IL33: variants seen among roughly 807,000 people sequenced by gnomAD.
The protein encoded by IL33 is interleukin 33, also known as interleukin-33.
In IL33, 37 loss-of-function variants were observed where a neutral mutation model predicts 27.3. That is an observed-to-expected ratio of 1.36 (90% CI 1.04 to 1.78). The LOEUF is 1.78. Ranked by LOEUF, IL33 falls within the 40% of genes most tolerant of loss-of-function variation. The pLI, the probability that IL33 is intolerant of heterozygous loss-of-function variation, is 0.00. For synonymous variants in IL33, 132 were observed against 102.9 expected (o/e 1.28, Z -1.71); for missense variants, 406 against 311.4 (o/e 1.30, Z -2.29).
intron 1 of IL33, among the ~76,000 whole-genome samples, chr9:6,217,161 G>A (rs1438006633): frequency 1.3e-5 from 2 of 152,066 alleles, no homozygotes; most frequent in East Asian, 1.9e-4. Flanking sequence ...AGTAGTCACT[G>A]GTCATCAGAA....
chr9:6,219,393 G>A (rs1055000208), intron 1 of IL33, among the ~76,000 whole-genome samples: 4 of 151,958 alleles, frequency 2.6e-5, no homozygotes, highest in Admixed American at 6.6e-5. Context: ...GAGGAATTGG[G>A]GGCGCTTCCT....
intron 1 of IL33, among the ~76,000 whole-genome samples, chr9:6,216,850 T>C (rs921979307): frequency 5.3e-5 from 8 of 152,244 alleles, no homozygotes; most frequent in African/African-American, 1.9e-4. Context: ...TTCTTTTTTC[T>C]TAATGGGACC....
chr9:6,228,059 CT>C (rs1222800268), intron 1 of IL33, among the ~76,000 whole-genome samples: 5 of 152,314 alleles, frequency 3.3e-5, no homozygotes, highest in South Asian at 2.1e-4. Context: ...TAATGCTACC[CT>C]AACAAGATTG....
intron 1 of IL33, among the ~76,000 whole-genome samples, chr9:6,221,247 T>C (rs1345185702): frequency 6.6e-6 from 1 of 152,158 alleles, no homozygotes; most frequent in East Asian, 1.9e-4. Flanking sequence ...ACTGACTTAT[T>C]CAAGAGCCAT....
At chr9:6,241,566 G>T in intron 1 of IL33, 118 bp from the exon 2 acceptor site, 1 of 585,436 alleles carries the variant, frequency 1.7e-6, no homozygotes, top group Non-Finnish European at 3.1e-6. Context: ...AAACTTTACT[G>T]AAATAATTAT....
Position 6,254,555 on chromosome 9 carries a change from T to TAAAA in IL33, c.612+11_612+14dup. 7.8e-7 allele frequency: 1 copy of TAAAA among 1,277,660 alleles called. No homozygotes were observed. The allele number at this position is 1,277,660 out of a possible 1,614,324, so 79.1% of individuals were successfully genotyped here. ...AACAACAAGGAACACTCTGTGGAGG[T>TAAAA]AAAAAAAAAAAATTTATCTATATCT... On this transcript the variant is annotated splice_region_variant and intron_variant, in intron 7 of 7. Transcript: ENST00000682010.
intron 1 of IL33, among the ~76,000 whole-genome samples, chr9:6,219,504 G>C (rs1253282109): frequency 6.6e-6 from 1 of 152,142 alleles, no homozygotes; most frequent in Non-Finnish European, 1.5e-5. Context: ...TTTAAGTGAA[G>C]AGTGCAGTAT....
intron 2 of IL33, among the ~76,000 whole-genome samples, chr9:6,246,516 T>C (rs1819866791): frequency 6.6e-6 from 1 of 151,678 alleles, no homozygotes; most frequent in Non-Finnish European, 1.5e-5. Flanking sequence ...GAGCCAAGAT[T>C]GCACCACTGC....
intron 1 of IL33, among the ~76,000 whole-genome samples, chr9:6,231,559 C>A (rs1050937275): frequency 1.3e-5 from 2 of 152,150 alleles, no homozygotes; most frequent in South Asian, 2.1e-4. Flanking sequence ...CAGTCCAATT[C>A]TTTTTTATCA....
chr9:6,217,947 T>C (rs1818219342), intron 1 of IL33, among the ~76,000 whole-genome samples: 1 of 146,966 alleles, frequency 6.8e-6, no homozygotes, highest in Admixed American at 6.8e-5. Context: ...TGGGGTCCTA[T>C]ACTGTTTCCA....
chr9:6,233,853 T>C (rs762419135), intron 1 of IL33, among the ~76,000 whole-genome samples: 39 of 152,212 alleles, frequency 2.6e-4, no homozygotes, highest in Non-Finnish European at 4.9e-4. Context: ...CTTTCATTAC[T>C]GTATTATACT....
intron 1 of IL33, among the ~76,000 whole-genome samples, chr9:6,238,827 A>C (rs1819374281): frequency 6.6e-6 from 1 of 152,116 alleles, no homozygotes. Context: ...CCCTCCACAA[A>C]CCACAGCACA....
At chr9:6,246,122 G>C (rs1327492311) in intron 2 of IL33, among the ~76,000 whole-genome samples, 1 of 137,958 alleles carries the variant, frequency 7.2e-6, no homozygotes, top group Non-Finnish European at 1.5e-5. Flanking sequence ...ATGATAGATA[G>C]TTGTACTATT....
intron 1 of IL33, among the ~76,000 whole-genome samples, chr9:6,226,016 TCTC>T (rs1436581477): frequency 6.6e-6 from 1 of 152,076 alleles, no homozygotes; most frequent in East Asian, 1.9e-4. Flanking sequence ...CTTCTCTCTC[TCTC>T]TTTTTAGAGA....
chr9:6,243,217 C>A (rs1041758221), intron 2 of IL33, among the ~76,000 whole-genome samples: 9 of 152,170 alleles, frequency 5.9e-5, no homozygotes, highest in African/African-American at 9.7e-5. Flanking sequence ...TCAAGTCTAT[C>A]TAGCTGCAAA....
Position 6,256,051 on chromosome 9 carries a change from C to T in IL33, c.696C>T (p.Cys232=), listed in dbSNP as rs1417158777. 1 of 1,613,334 alleles carries T rather than the reference C, an allele frequency of 6.2e-7. No individual in the cohort carries two copies. The highest frequency in any genetic ancestry group is 2.2e-5 in the East Asian group (1 of 44,882). The change falls in exon 8 of 8, where the codon TGC becomes TGT. Residue 232 remains cysteine (C), a synonymous_variant. Coordinates refer to ENST00000682010, the MANE Select transcript of IL33 (RefSeq NM_033439.4). ...ACTCCAACTGTGTTTCATTTGAATG[C>T]AAGACTGATCCTGGAGTGTTTATAG... The part of the protein sequence containing the change: ...NMHSNCVSFE[C]KTDPGVFIGV...
intron 1 of IL33, among the ~76,000 whole-genome samples, chr9:6,219,296 C>T (rs897286187): frequency 2.0e-5 from 3 of 151,676 alleles, no homozygotes; most frequent in African/African-American, 7.3e-5. Flanking sequence ...TGTCTGCAAG[C>T]AAAAGTAACT....
chr9:6,242,279 C>T (rs1271628689), intron 2 of IL33: 3 of 152,146 alleles, frequency 2.0e-5, no homozygotes, highest in East Asian at 1.9e-4. Flanking sequence ...TTTGTGTTAC[C>T]ATAGAAATAT....
chr9:6,231,463 A>G (rs982309299), intron 1 of IL33, among the ~76,000 whole-genome samples: 1 of 152,030 alleles, frequency 6.6e-6, no homozygotes, highest in African/African-American at 2.4e-5. Flanking sequence ...TCCCTTTCAT[A>G]TGTTCCTCAC....
Sources: gnomAD v4.1 joint callset for allele counts (sites outside exome capture counted in the v4.1 genomes callset) on GRCh38, gnomAD v4.1.1 for gene constraint, MANE v1.5 for transcripts, NCBI Gene and HGNC (gene_info 2026-07-23, HGNC 2026-07-21) for gene names.